LRRC40: variants seen among roughly 807,000 people sequenced by gnomAD.
LRRC40 encodes the protein leucine rich repeat containing 40.
Under a neutral mutation model 72.8 loss-of-function variants are expected in LRRC40, and 76 were observed. That is an observed-to-expected ratio of 1.04 (90% confidence interval 0.87 to 1.26). The LOEUF (loss-of-function observed/expected upper bound fraction) is 1.26, where lower values mean the gene tolerates loss of function less well. LRRC40 is among the 50% of genes most tolerant of loss of function. LRRC40 has a pLI of 0.00. For missense variants in LRRC40, 684 were observed against 698.9 expected (o/e 0.98, Z 0.24); for synonymous variants, 243 against 254.2 (o/e 0.96, Z 0.42).
At chr1:70,152,412 A>T (rs1667523315) in intron 12 of LRRC40, 21 bp downstream of exon 12, 1 of 1,181,798 alleles carries the variant, frequency 8.5e-7, no homozygotes, top group Non-Finnish European at 1.3e-6. Flanking sequence ...TAAAAAGTCA[A>T]GCAATAGTAT....
At chr1:70,165,587 G>A (rs139364268) in intron 9 of LRRC40, among the ~76,000 whole-genome samples, 86 of 152,022 alleles carry the variant, frequency 5.7e-4, no homozygotes, top group African/African-American at 2.0e-3. Flanking sequence ...TCAAATGATC[G>A]GCACTGTTTT....
intron 9 of LRRC40, among the ~76,000 whole-genome samples, chr1:70,168,661 G>GA (rs1480857505): frequency 6.6e-6 from 1 of 152,218 alleles, no homozygotes; most frequent in Non-Finnish European, 1.5e-5. Context: ...TATACAAGCA[G>GA]ACTGTACACA....
chr1:70,156,318 T>C (rs1439148925), intron 10 of LRRC40, among the ~76,000 whole-genome samples: 3 of 152,094 alleles, frequency 2.0e-5, no homozygotes, highest in Non-Finnish European at 4.4e-5. Flanking sequence ...TTTAGTAACC[T>C]GGACCAATTT....
At chr1:70,164,699 A>G (rs1667841726) in intron 9 of LRRC40, among the ~76,000 whole-genome samples, 1 of 152,266 alleles carries the variant, frequency 6.6e-6, no homozygotes, top group East Asian at 1.9e-4. Flanking sequence ...TCTTCTTACA[A>G]GGGTCTTTTT....
Position 70,170,619 on chromosome 1 carries a change from A to C in LRRC40, c.1111+2846T>G, listed in dbSNP as rs144130047. Among the ~76,000 whole-genome samples the C allele has an allele frequency of 4.3e-4, 65 of 152,280 alleles. 2 individuals carry two copies. In the East Asian group the frequency reaches 8.1e-3, roughly 19 times the overall value. ...GCACAAAAATGGAATTAAGAAAACA[A>C]TTATATGCCTAATAGCATCAAAAGG... On this transcript the variant is annotated intron_variant, in intron 9 of 14. Coordinates refer to ENST00000370952, the MANE Select transcript of LRRC40 (RefSeq NM_017768.5).
chr1:70,179,256 C>A (rs562671605), intron 5 of LRRC40, among the ~76,000 whole-genome samples: 1 of 151,894 alleles, frequency 6.6e-6, no homozygotes, highest in Non-Finnish European at 1.5e-5. Flanking sequence ...CCGAGGTGGG[C>A]GGATCACTTG....
At chr1:70,199,215 T>TCTCACACA (rs368673737) in intron 1 of LRRC40, among the ~76,000 whole-genome samples, 102 of 140,514 alleles carry the variant, frequency 7.3e-4, no homozygotes, top group East Asian at 5.8e-3. Context: ...ATACATAGTC[T>TCTCACACA]CACACACACA....
At chr1:70,148,798 T>A in intron 13 of LRRC40, 126 bp from the exon 14 acceptor site, 1 of 502,850 alleles carries the variant, frequency 2.0e-6, no homozygotes, top group Non-Finnish European at 3.3e-6. Context: ...TAATTGGCAT[T>A]AAGTCCTGTA....
intron 9 of LRRC40, among the ~76,000 whole-genome samples, chr1:70,165,400 G>C (rs570013814): frequency 1.7e-3 from 261 of 152,292 alleles, no homozygotes; most frequent in African/African-American, 6.1e-3. Flanking sequence ...TGGAGTCTGA[G>C]GAATCTGTGG....
intron 13 of LRRC40, 102 bp from the exon 14 acceptor site, chr1:70,148,774 T>A: frequency 1.5e-6 from 1 of 670,660 alleles, no homozygotes; most frequent in Non-Finnish European, 2.3e-6. Flanking sequence ...TTTTCTTTAG[T>A]GTATGTTATT....
chr1:70,150,880 T>A (rs907051953), intron 13 of LRRC40, among the ~76,000 whole-genome samples: 2 of 152,230 alleles, frequency 1.3e-5, no homozygotes, highest in Non-Finnish European at 2.9e-5. Context: ...ATTGTAATTA[T>A]TTATTTTGTC....
rs1667483831 is a variant in LRRC40 at position 70,151,326 on chromosome 1, G to C, written c.1440-121C>G. ...AGATCAGTTTGTCAATCCTTGATCT[G>C]ACTTTATAAAGGCTGAGTTCTGAGA... is the stretch of plus-strand genomic sequence containing the variant. On this transcript the variant is annotated intron_variant, in intron 12 of 14. Transcript: ENST00000370952. 6.5e-6 allele frequency: 4 copies of C among 619,408 alleles called. No homozygotes were observed. In the South Asian group the frequency reaches 8.0e-5, roughly 12 times the overall value. 38.4% of individuals were successfully genotyped at this position (619,408 alleles called of 1,614,324 possible).
Position 70,148,489 on chromosome 1 carries a change from T to G in LRRC40, c.1701A>C (p.Leu567Phe). 3.7e-6 allele frequency: 6 copies of G among 1,607,014 alleles called. No individual in the cohort carries two copies. The highest frequency in any genetic ancestry group is 5.1e-6 in the Non-Finnish European group (6 of 1,174,508). Reference sequence around the variant, plus strand: ...ATGCAGTAGAATGGTGTAGTTACCTTAAGTTTACACAATTACCGAGCTCTG... The same window carrying G: ...ATGCAGTAGAATGGTGTAGTTACCTGAAGTTTACACAATTACCGAGCTCTG... ...IPPELGNCVN[L>F]RTLLLDGNPF... Residue 567 changes from leucine (L) to phenylalanine (F), a missense_variant and splice_region_variant, in exon 14 of 15, where the codon TTA (leucine) becomes TTC (phenylalanine). By Grantham distance (22) the Leu-to-Phe change is conservative. Coordinates refer to ENST00000370952, the MANE Select transcript of LRRC40 (RefSeq NM_017768.5).
chr1:70,178,427 A>G (rs1668158969), intron 6 of LRRC40, among the ~76,000 whole-genome samples: 1 of 152,312 alleles, frequency 6.6e-6, no homozygotes, highest in African/African-American at 2.4e-5. Context: ...TTTACAAGAC[A>G]CCATTAATTC....
chr1:70,157,173 A>T (rs1667656327), intron 10 of LRRC40, among the ~76,000 whole-genome samples: 1 of 152,202 alleles, frequency 6.6e-6, no homozygotes, highest in African/African-American at 2.4e-5. Flanking sequence ...ACAAATATGT[A>T]AAGACAGCCT....
chr1:70,204,603 TAAG>T (rs1668858552), intron 1 of LRRC40, among the ~76,000 whole-genome samples: 1 of 152,148 alleles, frequency 6.6e-6, no homozygotes, highest in Non-Finnish European at 1.5e-5. Context: ...CATGTCACAA[TAAG>T]AAAGCAATCA....
intron 9 of LRRC40, among the ~76,000 whole-genome samples, chr1:70,161,192 C>T (rs1029762307): frequency 6.6e-6 from 1 of 151,474 alleles, no homozygotes; most frequent in African/African-American, 2.4e-5. Context: ...TCACGCCATT[C>T]TCCTGCCTCA....
At chr1:70,189,370 CCATTT>C (rs1668443240) in intron 1 of LRRC40, 97 bp from the exon 2 acceptor site, 2 of 960,230 alleles carry the variant, frequency 2.1e-6, no homozygotes, top group Non-Finnish European at 3.0e-6. Flanking sequence ...AATAGCCATT[CCATTT>C]ATCTATTGAA....
Position 70,145,911 on chromosome 1 carries a change from CAA to C in LRRC40, c.1704-8_1704-7del, listed in dbSNP as rs768901234. The C allele has an allele frequency of 6.3e-6, 9 of 1,436,130 alleles. No homozygotes were observed. The African/African-American group carries it at 1.3e-4, about 20-fold the overall frequency. 89.0% of individuals were successfully genotyped at this position (1,436,130 alleles called of 1,614,324 possible). On this transcript the variant is annotated splice_polypyrimidine_tract_variant and splice_region_variant and intron_variant, in intron 14 of 14. Transcript: ENST00000370952. Reference sequence around the variant, plus strand: ...TTCCATCCAGTAGTAATGTTCTAAACAAAAGAGAGAAATTGAGAATGTAAACA... The same window carrying C: ...TTCCATCCAGTAGTAATGTTCTAAACAAGAGAGAAATTGAGAATGTAAACA...
Sources: gnomAD v4.1 joint callset for allele counts (sites outside exome capture counted in the v4.1 genomes callset) on GRCh38, gnomAD v4.1.1 for gene constraint, MANE v1.5 for transcripts, NCBI Gene and HGNC (gene_info 2026-07-23, HGNC 2026-07-21) for gene names.